Variants in HGF observed in about 807,000 individuals in gnomAD.
HGF encodes the protein fibroblast-derived tumor cytotoxic factor.
A neutral mutation model predicts 111.6 loss-of-function variants in HGF; 39 were observed. The ratio of observed to expected loss-of-function variants is 0.35; its 90% CI spans 0.27 to 0.46. HGF has a LOEUF of 0.46. Among genes scored for constraint, HGF ranks in the 20% least tolerant of loss-of-function variants. The pLI, the probability that HGF is intolerant of heterozygous loss-of-function variation, is 1.00. For missense variants in HGF, 735 were observed against 910.5 expected (o/e 0.81, Z 2.48); for synonymous variants, 285 against 294.8 (o/e 0.97, Z 0.34).
chr7:81,743,557 G>T, intron 6 of HGF, 86 bp from the exon 7 acceptor site: 1 of 882,168 alleles, frequency 1.1e-6, no homozygotes, highest in Non-Finnish European at 2.0e-6. Flanking sequence ...TTTCCACTTA[G>T]GTTGTCTACA....
intron 17 of HGF, among the ~76,000 whole-genome samples, chr7:81,703,239 CTT>C (rs372126265): frequency 5.6e-5 from 8 of 142,686 alleles, no homozygotes; most frequent in African/African-American, 5.1e-5. Flanking sequence ...ATTTCTAAAG[CTT>C]TTTTTTTTTG....
chr7:81,732,067 C>A lies in HGF; in HGVS notation c.866-2288G>T, dbSNP rs74724014. ...TTTGATTATTTACTACTGAGCCATTCTTCTCAAGCACTACTCTTATGCTGT... is the reference window on the plus strand; with the variant it reads ...TTTGATTATTTACTACTGAGCCATTATTCTCAAGCACTACTCTTATGCTGT... On this transcript the variant is annotated intron_variant, in intron 7 of 17. Transcript: ENST00000222390. Among the ~76,000 whole-genome samples the A allele has an allele frequency of 3.7e-3, 564 of 152,272 alleles. 6 individuals are homozygous for A. Among genetic ancestry groups the A allele is most frequent in the African/African-American group, 0.013 (552 of 41,548 alleles).
chr7:81,702,535 T>G lies in HGF; in HGVS notation c.*46A>C. ...TTCCACATTCTCTGAAATCTTCATG[T>G]AAAAGACAGTTGTATTGGTGGGTGC... On this transcript the variant is annotated 3_prime_UTR_variant, in exon 18 of 18. Transcript: ENST00000222390. 6.9e-7 allele frequency: 1 copy of G among 1,454,346 alleles called. No homozygotes were observed. The highest frequency in any genetic ancestry group is 9.7e-7 in the Non-Finnish European group (1 of 1,036,092). 90.1% of individuals were successfully genotyped at this position (1,454,346 alleles called of 1,614,324 possible).
At chr7:81,724,366 G>C (rs1789951784) in intron 9 of HGF, among the ~76,000 whole-genome samples, 1 of 152,202 alleles carries the variant, frequency 6.6e-6, no homozygotes, top group Non-Finnish European at 1.5e-5. Flanking sequence ...GCCTAGGGCA[G>C]TAGGTCTATG....
Position 81,770,016 on chromosome 7 carries a change from G to C in HGF, c.-45C>G. The C allele has an allele frequency of 1.4e-6, 2 of 1,414,930 alleles. No individual in the cohort carries two copies. The highest frequency in any genetic ancestry group is 1.9e-6 in the Non-Finnish European group (2 of 1,025,798). The allele number at this position is 1,414,930 out of a possible 1,614,324, so 87.6% of individuals were successfully genotyped here. A position where few individuals can be genotyped will look rare whatever the true frequency, so the allele number is the denominator to read the frequency against. On this transcript the variant is annotated 5_prime_UTR_variant, in exon 1 of 18. Transcript: ENST00000222390. ...GCGGATCCCTCTGGAGGAGATGCCT[G>C]GGTGAAAGAATCCTGTTCGGAGTCA...
intron 2 of HGF, among the ~76,000 whole-genome samples, chr7:81,760,990 G>C (rs936818054): frequency 2.0e-5 from 3 of 152,112 alleles, no homozygotes; most frequent in Non-Finnish European, 4.4e-5. Context: ...TGACTAATGT[G>C]AAAATTGAAT....
intron 15 of HGF, among the ~76,000 whole-genome samples, 162 bp from the exon 16 acceptor site, chr7:81,705,915 C>T (rs374350496): frequency 6.8e-6 from 1 of 146,734 alleles, no homozygotes; most frequent in African/African-American, 2.5e-5. Flanking sequence ...GTAATGATGA[C>T]ATTTGGAATA....
At chr7:81,742,559 G>C (rs927449919) in intron 7 of HGF, 17 of 303,496 alleles carry the variant, frequency 5.6e-5, no homozygotes, top group Non-Finnish European at 7.9e-5. Context: ...TTAATATCCA[G>C]TTGAAAAAAA....
intron 4 of HGF, chr7:81,756,974 T>C (rs896889838): frequency 1.0e-5 from 6 of 587,146 alleles, no homozygotes; most frequent in Middle Eastern, 9.1e-4. Context: ...ATTGAGGCAT[T>C]AAGGTAAGAT....
intron 7 of HGF, among the ~76,000 whole-genome samples, chr7:81,733,271 A>T (rs757832): frequency 0.021 from 3,112 of 151,702 alleles, 41 homozygotes; most frequent in Non-Finnish European, 0.03. Context: ...AATTTTTTAA[A>T]TTATAGAATA....
chr7:81,744,982 G>A lies in HGF; in HGVS notation c.746+18C>T. ...TTTGTAAAAGAATCACTGAAAGCATGATTCATTAATATTTTACCTTTCAGG... is the reference window on the plus strand; with the variant it reads ...TTTGTAAAAGAATCACTGAAAGCATAATTCATTAATATTTTACCTTTCAGG... On this transcript the variant is annotated intron_variant, in intron 6 of 17. Coordinates refer to ENST00000222390, the MANE Select transcript of HGF (RefSeq NM_000601.6). 6.2e-7 allele frequency: 1 copy of A among 1,612,912 alleles called. No homozygotes were observed.
chr7:81,766,861 G>T (rs907499394), intron 1 of HGF, among the ~76,000 whole-genome samples: 1 of 152,112 alleles, frequency 6.6e-6, no homozygotes, highest in Admixed American at 6.6e-5. Context: ...TCAGCTGCTC[G>T]CATGACATTC....
At chr7:81,720,000 T>C (rs1478444061) in intron 10 of HGF, among the ~76,000 whole-genome samples, 1 of 152,194 alleles carries the variant, frequency 6.6e-6, no homozygotes, top group African/African-American at 2.4e-5. Context: ...TTCTAGTGCA[T>C]ATACTCTGGG....
At chr7:81,721,899 G>A (rs1371432355) in intron 9 of HGF, among the ~76,000 whole-genome samples, 1 of 152,172 alleles carries the variant, frequency 6.6e-6, no homozygotes, top group Non-Finnish European at 1.5e-5. Context: ...TTAGGCATAC[G>A]TTAATGAATT....
chr7:81,756,804 A>T (rs1478359588), intron 4 of HGF: 1 of 237,196 alleles, frequency 4.2e-6, no homozygotes, highest in East Asian at 1.1e-4. Flanking sequence ...AGATCCACCA[A>T]GGTTAAAGAA....
intron 17 of HGF, among the ~76,000 whole-genome samples, chr7:81,703,415 C>T (rs947955861): frequency 6.6e-6 from 1 of 150,820 alleles, no homozygotes; most frequent in Non-Finnish European, 1.5e-5. Flanking sequence ...TTATACCCTC[C>T]TTTCTGTAGC....
rs4732406 is a variant in HGF at position 81,745,184 on chromosome 7, G to T, written c.626-64C>A. The T allele has an allele frequency of 1.9e-6, 3 of 1,569,952 alleles. No homozygotes were observed. The Admixed American group carries it at 5.0e-5, about 26-fold the overall frequency. On this transcript the variant is annotated intron_variant, in intron 5 of 17. Coordinates refer to ENST00000222390, the MANE Select transcript of HGF (RefSeq NM_000601.6). Reference sequence around the variant, plus strand: ...CAGCAAAATCAAAAACACCACTGTTGCATTTAAAGAACAGCACCTGTTTAG... The same window carrying T: ...CAGCAAAATCAAAAACACCACTGTTTCATTTAAAGAACAGCACCTGTTTAG...
chr7:81,716,174 G>T (rs1440210059), intron 11 of HGF, among the ~76,000 whole-genome samples: 1 of 152,116 alleles, frequency 6.6e-6, no homozygotes. Context: ...AGTTTTGATT[G>T]TCACGACTTG....
Position 81,757,400 on chromosome 7 carries a change from G to A in HGF, c.368-97C>T, listed in dbSNP as rs529591995. On this transcript the variant is annotated intron_variant, in intron 3 of 17. Coordinates refer to ENST00000222390, the MANE Select transcript of HGF (RefSeq NM_000601.6). ...TCAAACCTGTAAGTAATTAACTCTT[G>A]TAAACTATTTCAAATAACATTGAAA... 157 of 701,950 alleles carry A rather than the reference G, an allele frequency of 2.2e-4. No homozygotes were observed. The African/African-American group carries it at 2.6e-3, about 12-fold the overall frequency. 43.5% of individuals were successfully genotyped at this position (701,950 alleles called of 1,614,324 possible).
Sources: allele counts gnomAD v4.1 joint callset (sites outside exome capture counted in the v4.1 genomes callset), GRCh38; gene constraint gnomAD v4.1.1; transcripts MANE v1.5; gene names NCBI Gene and HGNC (gene_info 2026-07-23, HGNC 2026-07-21).